Variants in SYNE1 observed in about 807,000 individuals in gnomAD.
SYNE1 encodes the protein nesprin-1.
SYNE1 carries 616 observed loss-of-function variants against 1,111.0 expected under a neutral mutation model. The observed-to-expected ratio is 0.55, with a 90% CI of 0.52 to 0.59. The LOEUF (loss-of-function observed/expected upper bound fraction) is 0.59. Ranked by LOEUF, SYNE1 falls within the 20% of genes least tolerant of loss-of-function variation. The pLI is 0.00. For synonymous variants in SYNE1, 3,855 were observed against 3,825.8 expected (o/e 1.01, Z -0.28); for missense variants, 10,006 against 10,417.0 (o/e 0.96, Z 1.72).
At chr6:152,373,271 C>T in intron 58 of SYNE1, 52 bp from the exon 59 acceptor site, 1 of 1,495,090 alleles carries the variant, frequency 6.7e-7, no homozygotes, top group Non-Finnish European at 9.0e-7. Flanking sequence ...TGTGTTGTTT[C>T]TATTTTTTCT....
In SYNE1 at chr6:152,399,815, T is replaced by G. The variant is rs767119469; in HGVS notation, c.7038A>C (p.Gln2346His). Residue 2346 changes from glutamine to histidine, a missense_variant, in exon 48 of 146, where the codon CAA (glutamine) becomes CAC (histidine). Gln to His is a conservative substitution (Grantham distance 24). This residue lies in a region of SYNE1 where 4,955 missense variants were observed against 5,017.2 expected (regional missense o/e 0.99). Coordinates refer to ENST00000367255, the MANE Select transcript of SYNE1 (RefSeq NM_182961.4). ...TGCTTTGTTGACTTTGAAGTTCTTT[T>G]TGTATATCCTACAGAATAAAAGTAT... ...CEALKKVKDIQKELQSQQSNI... is the reference protein window; with the variant it reads ...CEALKKVKDIHKELQSQQSNI... 2.5e-6 allele frequency: 4 copies of G among 1,614,060 alleles called. No homozygotes were observed. The highest frequency in any genetic ancestry group is 3.4e-6 in the Non-Finnish European group (4 of 1,179,910).
At chr6:152,588,789 A>G (rs1468795167) in intron 3 of SYNE1, among the ~76,000 whole-genome samples, 2 of 152,116 alleles carry the variant, frequency 1.3e-5, no homozygotes, top group Non-Finnish European at 2.9e-5. Flanking sequence ...CTGCATCCAA[A>G]AGAGGCTGGT....
intron 95 of SYNE1, among the ~76,000 whole-genome samples, chr6:152,286,222 C>T (rs866467713): frequency 2.6e-5 from 4 of 152,176 alleles, no homozygotes; most frequent in Non-Finnish European, 2.9e-5. Flanking sequence ...TATATCCATG[C>T]TGCTGCTACC....
chr6:152,242,886 C>T (rs2086095587), intron 106 of SYNE1, among the ~76,000 whole-genome samples: 1 of 152,002 alleles, frequency 6.6e-6, no homozygotes, highest in Non-Finnish European at 1.5e-5. Flanking sequence ...AATGTGGAAA[C>T]AACTCAACTC....
intron 11 of SYNE1, among the ~76,000 whole-genome samples, chr6:152,495,151 A>T (rs985802608): frequency 6.6e-6 from 1 of 152,142 alleles, no homozygotes; most frequent in African/African-American, 2.4e-5. Flanking sequence ...ATCACTTCTC[A>T]GTGTTCCATT....
At chr6:152,297,552 G>A (rs913274821) in intron 93 of SYNE1, among the ~76,000 whole-genome samples, 15 of 152,068 alleles carry the variant, frequency 9.9e-5, no homozygotes, top group African/African-American at 3.4e-4. Flanking sequence ...CAAATAACAG[G>A]CAGGCCTATA....
In SYNE1 at chr6:152,398,726, T is replaced by C. The variant is rs1195967479; in HGVS notation, c.7243A>G (p.Met2415Val). 1.4e-5 allele frequency: 22 copies of C among 1,611,326 alleles called. No homozygotes were observed. Among genetic ancestry groups the C allele is most frequent in the Non-Finnish European group, 1.6e-5 (19 of 1,178,332 alleles). Residue 2415 changes from methionine (M) to valine (V), a missense_variant, in exon 49 of 146, where the codon ATG becomes GTG. Physicochemically the swap from Met to Val is conservative, Grantham distance 21. Around this residue, in one of 7 missense-constraint regions of SYNE1, gnomAD observed 4,955 missense variants for 5,017.2 expected, o/e 0.99. Transcript: ENST00000367255. The stretch of plus-strand genomic sequence containing the variant: ...AAAAACCATTCTTGGAATTCCTGCA[T>C]AGACTCTTTTGAAAGAAAAAATAAA... The part of the protein sequence containing the change: ...ESLEKHFSES[M>V]QEFQEWFLGA...
At chr6:152,127,535 AC>A (rs1167903543) in intron 145 of SYNE1, 1 of 152,144 alleles carries the variant, frequency 6.6e-6, no homozygotes, top group African/African-American at 2.4e-5. Flanking sequence ...GGGAAAACAT[AC>A]CTGATTTATT....
chr6:152,186,571 A>C (rs1482382866), intron 128 of SYNE1, among the ~76,000 whole-genome samples: 6 of 133,730 alleles, frequency 4.5e-5, no homozygotes, highest in African/African-American at 1.6e-4. Flanking sequence ...AAAAAAAAAA[A>C]AAAAAAAAAA....
Position 152,232,186 on chromosome 6 carries a change from T to C in SYNE1, c.20792A>G (p.Gln6931Arg), listed in dbSNP as rs779657995. 1 of 1,611,672 alleles carries C rather than the reference T, an allele frequency of 6.2e-7. No homozygotes were observed. Among genetic ancestry groups the C allele is most frequent in the African/African-American group, 1.3e-5 (1 of 74,894 alleles). The stretch of plus-strand genomic sequence containing the variant: ...ATTTTTAATATTATCTTCATCCTTC[T>C]GAATAACATTTTCCATTAGAGAAAT... ...SWISLMENVI[Q>R]KDEDNIKNSI... Residue 6931 changes from glutamine to arginine, a missense_variant, in exon 113 of 146, where the codon CAG becomes CGG. By Grantham distance (43) the Gln-to-Arg change is conservative. Transcript: ENST00000367255.
intron 12 of SYNE1, among the ~76,000 whole-genome samples, chr6:152,485,806 G>C (rs1409415525): frequency 6.6e-6 from 1 of 152,118 alleles, no homozygotes. Flanking sequence ...AAACAAACAT[G>C]TAAATTCACG....
chr6:152,459,590 C>T (rs188231071), intron 21 of SYNE1, among the ~76,000 whole-genome samples: 1 of 152,262 alleles, frequency 6.6e-6, no homozygotes, highest in East Asian at 1.9e-4. Context: ...TGTCACTTGT[C>T]TTGTAAAACA....
intron 55 of SYNE1, among the ~76,000 whole-genome samples, chr6:152,383,373 C>T (rs1158186494): frequency 6.6e-6 from 1 of 152,200 alleles, no homozygotes; most frequent in East Asian, 1.9e-4. Context: ...TTGCCATTTA[C>T]TCCTAAATCC....
At chr6:152,216,962 C>G (rs561806467) in intron 121 of SYNE1, among the ~76,000 whole-genome samples, 13 of 151,706 alleles carry the variant, frequency 8.6e-5, no homozygotes, top group African/African-American at 3.1e-4. Context: ...ATTTGGGAGG[C>G]TGAGGCAGGA....
chr6:152,470,419 T>C (rs777882596), intron 16 of SYNE1, among the ~76,000 whole-genome samples: 13 of 152,164 alleles, frequency 8.5e-5, no homozygotes, highest in Non-Finnish European at 1.9e-4. Context: ...TTTGAAGAAC[T>C]AACGTAATTG....
At chr6:152,386,393 T>G (rs2097527119) in intron 54 of SYNE1, among the ~76,000 whole-genome samples, 1 of 152,118 alleles carries the variant, frequency 6.6e-6, no homozygotes, top group East Asian at 1.9e-4. Context: ...TCTTAATCAT[T>G]AACAAGATGA....
Position 152,472,149 on chromosome 6 carries a change from C to T in SYNE1, c.1463+152G>A, listed in dbSNP as rs554927261. On this transcript the variant is annotated intron_variant, in intron 15 of 145. Coordinates refer to ENST00000367255, the MANE Select transcript of SYNE1 (RefSeq NM_182961.4). ...AGTTAATAATACATTAGAATGGTGGCATTCTTAGCATGTCTTATGGGAGCC... is the reference window on the plus strand; with the variant it reads ...AGTTAATAATACATTAGAATGGTGGTATTCTTAGCATGTCTTATGGGAGCC... 143 of 663,510 alleles carry T rather than the reference C, an allele frequency of 2.2e-4. 1 individual carries two copies. Among genetic ancestry groups the T allele is most frequent in the African/African-American group, 1.9e-3 (102 of 54,656 alleles). The allele number at this position is 663,510 out of a possible 1,614,324, so 41.1% of individuals were successfully genotyped here.
At chr6:152,146,695 T>C (rs1485901796) in intron 137 of SYNE1, 2 of 152,268 alleles carry the variant, frequency 1.3e-5, no homozygotes, top group Non-Finnish European at 2.9e-5. Context: ...TTTGACAGAA[T>C]GTATGAGATA....
intron 129 of SYNE1, among the ~76,000 whole-genome samples, chr6:152,178,044 A>G (rs758256405): frequency 6.6e-6 from 1 of 152,032 alleles, no homozygotes; most frequent in Non-Finnish European, 1.5e-5. Context: ...AAGCCCTTTA[A>G]AAAAAAACCC....
Sources: allele counts gnomAD v4.1 joint callset (sites outside exome capture counted in the v4.1 genomes callset), GRCh38; gene constraint gnomAD v4.1.1; regional missense constraint gnomAD v4.1.1; transcripts MANE v1.5; gene names NCBI Gene and HGNC (gene_info 2026-07-23, HGNC 2026-07-21).